Variants in NEBL observed in about 807,000 individuals in gnomAD.
NEBL encodes the protein nebulette.
NEBL carries 122 observed loss-of-function variants against 140.2 expected under a neutral mutation model. That is an observed-to-expected ratio of 0.87 (90% CI 0.75 to 1.01). NEBL has a LOEUF of 1.01. Ranked by LOEUF, NEBL falls within the 50% of genes least tolerant of loss-of-function variation. The pLI is 0.00. For synonymous variants in NEBL, 436 were observed against 398.9 expected, an observed-to-expected ratio of 1.09 and a Z score of -1.11; for missense variants, 1,365 against 1,231.3, an observed-to-expected ratio of 1.11 and a Z score of -1.62.
chr10:20,808,852 G>A (rs565060928), intron 25 of NEBL, among the ~76,000 whole-genome samples, 193 bp from the exon 26 acceptor site: 8 of 152,192 alleles, frequency 5.3e-5, no homozygotes, highest in South Asian at 2.1e-4. Context: ...CTTAACCATC[G>A]TTTTATGCTC....
At chr10:20,874,910 T>C (rs890263442) in intron 5 of NEBL, among the ~76,000 whole-genome samples, 2 of 152,076 alleles carry the variant, frequency 1.3e-5, no homozygotes, top group African/African-American at 4.8e-5. Context: ...CAGATAGTTT[T>C]TGTATTTTTA....
At chr10:21,034,943 C>CTTATTTAT (rs199827432) in intron 2 of NEBL, among the ~76,000 whole-genome samples, 24 of 142,234 alleles carry the variant, frequency 1.7e-4, no homozygotes, top group South Asian at 2.3e-4. Flanking sequence ...GCTATTTATT[C>CTTATTTAT]TTATTTATTT....
intron 3 of NEBL, among the ~76,000 whole-genome samples, chr10:20,983,664 T>C (rs1011195294): frequency 6.6e-6 from 1 of 152,200 alleles, no homozygotes; most frequent in Non-Finnish European, 1.5e-5. Context: ...AATTGGTGTG[T>C]CCAGGGACAG....
chr10:21,271,863 A>G (rs1232162545), intron 1 of NEBL, among the ~76,000 whole-genome samples: 1 of 152,210 alleles, frequency 6.6e-6, no homozygotes, highest in Non-Finnish European at 1.5e-5. Flanking sequence ...CACACAAAAG[A>G]ATAGTAACTA....
At position 21,244,228 on chromosome 10, in the gene NEBL, C is replaced by T. The variant is rs2035433; in HGVS notation, n.348+3693G>A. On this transcript the variant is annotated intron_variant and non_coding_transcript_variant, in intron 3 of 8. Coordinates refer to the NEBL transcript ENST00000675702. The stretch of plus-strand genomic sequence containing the variant: ...TCCCAAGCTGGAGCGCAGTGTGGCC[C>T]GATCTTGGCTCACTGCAACCTCTGC... Among the ~76,000 whole-genome samples, 454 of 152,028 alleles carry T rather than the reference C, an allele frequency of 3.0e-3. 2 individuals carry two copies. Among genetic ancestry groups the T allele is most frequent in the African/African-American group, 9.5e-3 (394 of 41,512 alleles).
At chr10:20,897,896 G>A (rs1847641892), upstream of NEBL, among the ~76,000 whole-genome samples, 1 of 152,160 alleles carries the variant, frequency 6.6e-6, no homozygotes, top group Non-Finnish European at 1.5e-5. Flanking sequence ...ATACTGGCGA[G>A]TATGGTATTG....
At chr10:21,199,576 A>G (rs1406547914) in intron 3 of NEBL, among the ~76,000 whole-genome samples, 4 of 152,324 alleles carry the variant, frequency 2.6e-5, no homozygotes, top group South Asian at 2.1e-4. Context: ...ACACAGCTCA[A>G]GGGTGATTCA....
chr10:20,888,038 C>T (rs867829262), intron 4 of NEBL, 59 bp downstream of exon 4: 4 of 1,218,854 alleles, frequency 3.3e-6, no homozygotes, highest in Middle Eastern at 1.9e-4. Flanking sequence ...CGCTAAGTAG[C>T]TTTTTTCCAG....
In NEBL at chr10:20,868,684, C is replaced by T. The variant is rs763573034; in HGVS notation, c.664G>A (p.Ala222Thr). 2 of 1,610,288 alleles carry T rather than the reference C, an allele frequency of 1.2e-6. No homozygotes were observed. The highest frequency in any genetic ancestry group is 1.7e-4 in the Middle Eastern group (1 of 6,052). The part of the protein sequence containing the change: ...GRPDFEHAVE[A>T]SKLSSQIKYK... ...CTTACTTGACTAGAAAGTTTAGAAG[C>T]TTCCACGGCATGTTCAAAATCTGGT... Residue 222 changes from alanine (A) to threonine (T), a missense_variant, in exon 7 of 28, where the codon GCT becomes ACT. By Grantham distance (58) the Ala-to-Thr change is moderately conservative. Coordinates refer to ENST00000377122, the MANE Select transcript of NEBL (RefSeq NM_006393.3).
In NEBL at chr10:21,078,523, C is replaced by T. The variant is rs185290351; in HGVS notation, c.165-58322G>A. 5.5e-3 allele frequency among the ~76,000 whole-genome samples: 822 copies of T among 148,888 alleles called. 8 individuals are homozygous for T. Among genetic ancestry groups the T allele is most frequent in the Non-Finnish European group, 7.6e-3 (512 of 67,334 alleles). On this transcript the variant is annotated intron_variant, in intron 2 of 6. Transcript: ENST00000417816. ...TCCTGAGTTTCACTCCTGGTTAATA[C>T]ACTTTGGAAATCTTCTTGAATCCCA...
intron 16 of NEBL, 73 bp downstream of exon 16, chr10:20,831,123 A>G (rs911271133): frequency 2.2e-5 from 23 of 1,058,520 alleles, no homozygotes; most frequent in Non-Finnish European, 3.1e-5. Context: ...GATATCATTC[A>G]TAGAGACATA....
chr10:21,201,078 C>CA (rs202007655), intron 3 of NEBL, among the ~76,000 whole-genome samples: 108 of 134,616 alleles, frequency 8.0e-4, no homozygotes, highest in East Asian at 1.1e-3. Context: ...AGATTCTGTC[C>CA]AAAAAAAAAA....
intron 2 of NEBL, among the ~76,000 whole-genome samples, chr10:21,049,632 C>G (rs1834680365): frequency 6.6e-6 from 1 of 152,146 alleles, no homozygotes; most frequent in Admixed American, 6.5e-5. Flanking sequence ...CCCTTTGAAT[C>G]TACACAGTCA....
chr10:21,058,213 A>C (rs1041969709), intron 2 of NEBL, among the ~76,000 whole-genome samples: 4 of 152,248 alleles, frequency 2.6e-5, no homozygotes, highest in African/African-American at 7.2e-5. Context: ...GTTAGTTCAG[A>C]CATGCTAGAC....
At chr10:20,887,633 TC>T (rs1178764068) in intron 4 of NEBL, among the ~76,000 whole-genome samples, 1 of 152,120 alleles carries the variant, frequency 6.6e-6, no homozygotes, top group Admixed American at 6.5e-5. Flanking sequence ...CCCAGGCTTG[TC>T]TTCAACTCCT....
At chr10:21,100,659 T>G (rs112200276) in intron 2 of NEBL, among the ~76,000 whole-genome samples, 1 of 152,214 alleles carries the variant, frequency 6.6e-6, no homozygotes, top group African/African-American at 2.4e-5. Context: ...AAAAGAAATA[T>G]GACCTGATGG....
chr10:20,900,903 C>A (rs1847843433), upstream of NEBL, among the ~76,000 whole-genome samples: 1 of 146,068 alleles, frequency 6.8e-6, no homozygotes, highest in African/African-American at 2.5e-5. Flanking sequence ...CCTGTAATCT[C>A]AGCTACTCAG....
At chr10:20,861,267 T>C (rs1351583323) in intron 7 of NEBL, among the ~76,000 whole-genome samples, 1 of 152,116 alleles carries the variant, frequency 6.6e-6, no homozygotes, top group African/African-American at 2.4e-5. Flanking sequence ...AAGCTCCACC[T>C]CCCAGGTTCA....
intron 2 of NEBL, among the ~76,000 whole-genome samples, chr10:20,892,188 G>A (rs1242084592): frequency 1.3e-5 from 2 of 152,204 alleles, no homozygotes; most frequent in African/African-American, 2.4e-5. Flanking sequence ...TCTAAACCAG[G>A]CATGGTCATG....
Sources: gnomAD v4.1 joint callset for allele counts (sites outside exome capture counted in the v4.1 genomes callset) on GRCh38, gnomAD v4.1.1 for gene constraint, MANE v1.5 for transcripts, NCBI Gene and HGNC (gene_info 2026-07-23, HGNC 2026-07-21) for gene names.